The following FRK variants were observed in gnomAD, a reference collection of about 807,000 sequenced individuals.
FRK encodes fyn related Src family tyrosine kinase.
A neutral mutation model predicts 56.4 loss-of-function variants in FRK; 51 were observed. That is an observed-to-expected ratio of 0.90 (90% CI 0.72 to 1.14). The LOEUF (loss-of-function observed/expected upper bound fraction) is 1.14, where lower values mean the gene tolerates loss of function less well. Among genes scored for constraint, FRK ranks in the 50% most tolerant of loss-of-function variants. The pLI is 0.00. For missense variants in FRK, 570 were observed against 601.4 expected (o/e 0.95, Z 0.55); for synonymous variants, 245 against 217.9 (o/e 1.12, Z -1.10).
chr6:115,991,534 T>A (rs1008115200), intron 2 of FRK, among the ~76,000 whole-genome samples: 1 of 151,864 alleles, frequency 6.6e-6, no homozygotes, highest in African/African-American at 2.4e-5. Context: ...GGTTGCATAA[T>A]TTTTGTTTTT....
At chr6:116,088,151 A>G in the FRK span, among the ~76,000 whole-genome samples, 1 of 152,160 alleles carries the variant, frequency 6.6e-6, no homozygotes, top group Admixed American at 6.5e-5. Flanking sequence ...GCTTTTTGGT[A>G]TTGTTACTGG....
chr6:116,033,926 A>G (rs1776382261), intron 1 of FRK, among the ~76,000 whole-genome samples: 1 of 152,084 alleles, frequency 6.6e-6, no homozygotes, highest in African/African-American at 2.4e-5. Flanking sequence ...CTGGTGAGAG[A>G]TGGTTCATTT....
intron 3 of FRK, 42 bp from the exon 4 acceptor site, chr6:115,967,761 AGT>A: frequency 6.4e-6 from 9 of 1,402,678 alleles, no homozygotes; most frequent in Non-Finnish European, 8.7e-6. Context: ...AAAAAAAAAA[AGT>A]AGATTTAATA....
chr6:116,069,940 G>A, the FRK span, among the ~76,000 whole-genome samples: 1 of 152,108 alleles, frequency 6.6e-6, no homozygotes, highest in Non-Finnish European at 1.5e-5. Context: ...TAGGACCACA[G>A]TTTGTGCGGC....
chr6:116,000,279 G>A lies in FRK; in HGVS notation c.466+3598C>T, dbSNP rs1582698060. ...TTTTTTTGAGACGGAGTCTCGCTCT[G>A]TCACCCAGGATGGAGTACAATGGCG... is the stretch of plus-strand genomic sequence containing the variant. On this transcript the variant is annotated intron_variant, in intron 2 of 7. Transcript: ENST00000606080. Among the ~76,000 whole-genome samples, 4 of 99,636 alleles carry A rather than the reference G, an allele frequency of 4.0e-5. No homozygotes were observed. The South Asian group carries it at 9.8e-4, about 24-fold the overall frequency. The allele number at this position is 99,636 out of a possible 152,430, so 65.4% of individuals were successfully genotyped here. A position where few individuals can be genotyped will look rare whatever the true frequency, so the allele number is the denominator to read the frequency against.
At chr6:116,073,081 CCT>C in the FRK span, among the ~76,000 whole-genome samples, 1 of 151,894 alleles carries the variant, frequency 6.6e-6, no homozygotes, top group African/African-American at 2.4e-5. Flanking sequence ...TCCACTGTAC[CCT>C]GATTTTAATT....
chr6:116,010,324 T>G (rs1283208771), intron 1 of FRK, among the ~76,000 whole-genome samples: 2 of 152,228 alleles, frequency 1.3e-5, no homozygotes, highest in Non-Finnish European at 2.9e-5. Flanking sequence ...CTCTGCATTC[T>G]TCTCTATAAT....
chr6:115,992,896 T>C (rs1482433830), intron 2 of FRK, among the ~76,000 whole-genome samples: 4 of 151,774 alleles, frequency 2.6e-5, no homozygotes, highest in East Asian at 1.9e-4. Flanking sequence ...GAGAATGAGA[T>C]ACAATACCAA....
intron 4 of FRK, among the ~76,000 whole-genome samples, chr6:115,958,644 A>G (rs112982136): frequency 0.032 from 122 of 3,796 alleles, 3 homozygotes; most frequent in Middle Eastern, 0.25. Context: ...GGAAAGAAAG[A>G]AAAGAAAGAA....
At chr6:115,983,723 C>A (rs1774290662) in intron 2 of FRK, among the ~76,000 whole-genome samples, 1 of 152,128 alleles carries the variant, frequency 6.6e-6, no homozygotes, top group South Asian at 2.1e-4. Context: ...TTGTCCTCTG[C>A]ACTGCCACCA....
chr6:116,014,768 A>T (rs1211503703), intron 1 of FRK, among the ~76,000 whole-genome samples: 1 of 152,204 alleles, frequency 6.6e-6, no homozygotes, highest in African/African-American at 2.4e-5. Context: ...GTTCTTTAAA[A>T]ATTGTTTCAC....
chr6:115,960,513 C>A (rs1426363296), intron 4 of FRK, among the ~76,000 whole-genome samples: 1 of 148,732 alleles, frequency 6.7e-6, no homozygotes, highest in African/African-American at 2.5e-5. Flanking sequence ...AACAAAGCAG[C>A]CCGGAAGCTC....
At chr6:115,947,255 TA>T (rs1241511468) in intron 5 of FRK, among the ~76,000 whole-genome samples, 1 of 152,010 alleles carries the variant, frequency 6.6e-6, no homozygotes, top group Non-Finnish European at 1.5e-5. Context: ...ATATATATGA[TA>T]TTTTTAATAA....
chr6:115,989,933 A>C (rs1213960728), intron 2 of FRK, among the ~76,000 whole-genome samples: 3 of 151,914 alleles, frequency 2.0e-5, no homozygotes, highest in African/African-American at 7.2e-5. Flanking sequence ...TTTTCTCCAC[A>C]TCCTCACCAA....
chr6:115,986,799 C>A (rs1249361936), intron 2 of FRK, among the ~76,000 whole-genome samples: 1 of 152,122 alleles, frequency 6.6e-6, no homozygotes, highest in Non-Finnish European at 1.5e-5. Flanking sequence ...ATTATTGTGA[C>A]AAGGCACATC....
rs1051592780 is a variant in FRK at position 115,961,255 on chromosome 6, C to G, written c.800-4645G>C. On this transcript the variant is annotated intron_variant, in intron 4 of 7. Transcript: ENST00000606080. The stretch of plus-strand genomic sequence containing the variant: ...GAGAACTACGTGAAGAATGCAGAAG[C>G]CTCAGAAGCCGATGCGATCAACTGG... Among the ~76,000 whole-genome samples, 23 of 113,728 alleles carry G rather than the reference C, an allele frequency of 2.0e-4. No homozygotes were observed. In the Admixed American group the frequency reaches 2.1e-3, roughly 10 times the overall value. The allele number at this position is 113,728 out of a possible 152,430, so 74.6% of individuals were successfully genotyped here.
Position 115,935,870 on chromosome 6 carries a change from C to T in FRK, c.*6544G>A, listed in dbSNP as rs961143091. The T allele has an allele frequency of 6.6e-6, 1 of 152,402 alleles. No homozygotes were observed. Among genetic ancestry groups the T allele is most frequent in the Non-Finnish European group, 1.5e-5 (1 of 68,210 alleles). The allele number at this position is 152,402 out of a possible 1,614,324, so 9.4% of individuals were successfully genotyped here. On this transcript the variant is annotated 3_prime_UTR_variant, in exon 8 of 8. Transcript: ENST00000606080. ...GGGACTAATAGATAAAACCCCATCT[C>T]CCTGGGACAGAGCACCTGTGGGAAG...
In FRK at chr6:115,952,072, T is replaced by C. The variant is rs990976199; in HGVS notation, c.958+4380A>G. On this transcript the variant is annotated intron_variant, in intron 5 of 7. Transcript: ENST00000606080. ...AAATTTGTTTGAGTTCATTATAGAT[T>C]CTGGATATTAGCCCTTTGTCAGATG... 2.0e-5 allele frequency among the ~76,000 whole-genome samples: 3 copies of C among 152,130 alleles called. No homozygotes were observed. The East Asian group carries it at 5.8e-4, about 29-fold the overall frequency.
intron 1 of FRK, among the ~76,000 whole-genome samples, chr6:116,047,338 G>GT (rs1461145774): frequency 1.5e-4 from 23 of 150,858 alleles, no homozygotes; most frequent in African/African-American, 5.6e-4. Context: ...GACATCTGTA[G>GT]TTTTTTTAGG....
Sources: allele counts gnomAD v4.1 joint callset (sites outside exome capture counted in the v4.1 genomes callset), GRCh38; gene constraint gnomAD v4.1.1; transcripts MANE v1.5; gene names NCBI Gene and HGNC (gene_info 2026-07-23, HGNC 2026-07-21).